COL11A2: variants seen among roughly 807,000 people sequenced by gnomAD.
COL11A2 encodes the protein collagen alpha-2(XI) chain.
In COL11A2, 116 loss-of-function variants were observed where a neutral mutation model predicts 273.4. The ratio of observed to expected loss-of-function variants is 0.42; its 90% CI spans 0.36 to 0.49. The LOEUF is 0.49. Among genes scored for constraint, COL11A2 ranks in the 20% least tolerant of loss-of-function variants. The probability of loss-of-function intolerance (pLI) is 0.00; values close to 1 mark genes in which losing one functional copy is unlikely to be tolerated. For synonymous variants in COL11A2, 782 were observed against 864.2 expected (o/e 0.90, Z 1.67); for missense variants, 1,866 against 2,309.0 (o/e 0.81, Z 3.93).
intron 5 of COL11A2, among the ~76,000 whole-genome samples, chr6:33,186,026 C>CTTAAT: frequency 6.6e-6 from 1 of 152,016 alleles, no homozygotes; most frequent in Admixed American, 6.5e-5. Context: ...GATTGACCCT[C>CTTAAT]TGATCTTTAG....
chr6:33,180,834 G>C, intron 10 of COL11A2, 104 bp from the exon 11 acceptor site: 1 of 1,558,638 alleles, frequency 6.4e-7, no homozygotes, highest in Non-Finnish European at 8.8e-7. Context: ...TGGGAATCTG[G>C]GAAGCGTTGA....
Position 33,167,368 on chromosome 6 carries a change from ACCCCT to A in COL11A2, c.4122+53_4123-52del, listed in dbSNP as rs1291853393. The A allele has an allele frequency of 1.1e-5, 17 of 1,611,090 alleles. No individual in the cohort carries two copies. The highest frequency in any genetic ancestry group is 1.4e-5 in the Non-Finnish European group (17 of 1,179,388). On this transcript the variant is annotated intron_variant, in intron 56 of 65. Coordinates refer to ENST00000341947, the MANE Select transcript of COL11A2 (RefSeq NM_080680.3). The surrounding 1 kb of genome is among the most constrained non-coding windows in gnomAD (Gnocchi z 6.1). The stretch of plus-strand genomic sequence containing the variant: ...GTCAGGAGGAGCATCCCCACACTGC[ACCCCT>A]CCCATGGCCCCTCACTCCCACCCCA...
rs972149830 is a variant in COL11A2, at chr6:33,178,012, A to G, written c.1872+120T>C. 13 of 1,070,292 alleles carry G rather than the reference A, an allele frequency of 1.2e-5. No homozygotes were observed. The highest frequency in any genetic ancestry group is 9.7e-6 in the Non-Finnish European group (7 of 721,016). 66.3% of individuals were successfully genotyped at this position (1,070,292 alleles called of 1,614,324 possible). A position where few individuals can be genotyped will look rare whatever the true frequency, so the allele number is the denominator to read the frequency against. ...GGCAGTGTGGGGCCAGAGCAGGGGG[A>G]GCTCACAGGGAATGGGAAGCATGCC... On this transcript the variant is annotated intron_variant, in intron 21 of 65. Transcript: ENST00000341947. The surrounding 1 kb of genome is among the most constrained non-coding windows in gnomAD (Gnocchi z 4.6).
chr6:33,168,976 G>T lies in COL11A2; in HGVS notation c.3831C>A (p.Pro1277=), dbSNP rs1007732519. The change falls in exon 52 of 66, where the codon CCC becomes CCA. Residue 1277 remains proline (P), a synonymous_variant. Coordinates refer to ENST00000341947, the MANE Select transcript of COL11A2 (RefSeq NM_080680.3). ...TCACCCGAGGGCCACCTTCTCCAGG[G>T]GGGCCAGGGTCACCAGGAAAACCAA... ...GPVGFPGDPG[P]PGEGGPRGQD... The T allele has an allele frequency of 3.7e-6, 6 of 1,609,710 alleles. No individual in the cohort carries two copies. Among genetic ancestry groups the T allele is most frequent in the South Asian group, 1.1e-5 (1 of 90,728 alleles).
Position 33,170,687 on chromosome 6 carries a change from T to C in COL11A2, c.3475-77A>G. ...AGCCCTAGGCAGATAGGCCCCACAG[T>C]CCCCTCCCCTCAGACTCCGCAGGCC... On this transcript the variant is annotated intron_variant, in intron 46 of 65. Coordinates refer to ENST00000341947, the MANE Select transcript of COL11A2 (RefSeq NM_080680.3). The surrounding 1 kb of genome is among the most constrained non-coding windows in gnomAD (Gnocchi z 4.3). 6.3e-7 allele frequency: 1 copy of C among 1,592,408 alleles called. No homozygotes were observed. The highest frequency in any genetic ancestry group is 8.6e-7 in the Non-Finnish European group (1 of 1,162,348).
chr6:33,179,859 TC>T lies in COL11A2; in HGVS notation c.1360-55del. 6.5e-7 allele frequency: 1 copy of T among 1,531,938 alleles called. No homozygotes were observed. 94.9% of individuals were successfully genotyped at this position (1,531,938 alleles called of 1,614,324 possible). ...CTCTTCCAAGAAAGCCATGGGACCCTCCCAGCCAGAGGCTTTCTCCAGCGTT... is the reference window on the plus strand; with the variant it reads ...CTCTTCCAAGAAAGCCATGGGACCCTCCAGCCAGAGGCTTTCTCCAGCGTT... On this transcript the variant is annotated intron_variant, in intron 12 of 65. Coordinates refer to ENST00000341947, the MANE Select transcript of COL11A2 (RefSeq NM_080680.3). The surrounding 1 kb of genome is among the most constrained non-coding windows in gnomAD (Gnocchi z 6.4).
At chr6:33,174,386 G>T in intron 31 of COL11A2, 141 bp downstream of exon 31, 2 of 1,363,816 alleles carry the variant, frequency 1.5e-6, no homozygotes, top group Non-Finnish European at 2.0e-6. Context: ...GGCCTCTTTC[G>T]GTCATCTGTA....
chr6:33,170,705 CG>C lies in COL11A2; in HGVS notation c.3475-96del. On this transcript the variant is annotated intron_variant, in intron 46 of 65. Transcript: ENST00000341947. This position sits in a 1 kb window ranked among gnomAD's most constrained non-coding sequence, Gnocchi z 4.3. ...CCCACAGTCCCCTCCCCTCAGACTC[CG>C]CAGGCCCTCCAGTCTGCATCGGCAG... The C allele has an allele frequency of 6.3e-7, 1 of 1,586,592 alleles. No individual in the cohort carries two copies. Among genetic ancestry groups the C allele is most frequent in the Non-Finnish European group, 8.6e-7 (1 of 1,156,106 alleles).
rs1771149937 is a variant in COL11A2 at position 33,177,918 on chromosome 6, A to G, written c.1873-212T>C. On this transcript the variant is annotated intron_variant, in intron 21 of 65. Transcript: ENST00000341947. This position sits in a 1 kb window ranked among gnomAD's most constrained non-coding sequence, Gnocchi z 5.9. ...TGTTTTTCTTGAAGATTTATTTCCTATGCCCAGAGCCCTCAGGGCACCACG... is the reference window on the plus strand; with the variant it reads ...TGTTTTTCTTGAAGATTTATTTCCTGTGCCCAGAGCCCTCAGGGCACCACG... The G allele has an allele frequency of 3.9e-6, 3 of 762,704 alleles. No homozygotes were observed. In the Admixed American group the frequency reaches 7.2e-5, roughly 18 times the overall value. 47.2% of individuals were successfully genotyped at this position (762,704 alleles called of 1,614,324 possible). A position where few individuals can be genotyped will look rare whatever the true frequency, so the allele number is the denominator to read the frequency against.
rs551411073 is a variant in COL11A2 at position 33,176,286 on chromosome 6, C to G, written c.2187G>C (p.Arg729=). The G allele has an allele frequency of 9.4e-5, 151 of 1,607,306 alleles. 1 individual carries two copies. In the Middle Eastern group the frequency reaches 1.2e-3, roughly 13 times the overall value. ...TCTCACCCTTATGACCCTTCAGACC[C>G]CGAATTCCGTCCACACCCTAGAATT... ...PRGVKGVDGI[R]GLKGHKGEKG... Residue 729 remains arginine (R), a synonymous_variant, in exon 28 of 66, where the codon CGG becomes CGC. Coordinates refer to ENST00000341947, the MANE Select transcript of COL11A2 (RefSeq NM_080680.3). The surrounding 1 kb of genome is among the most constrained non-coding windows in gnomAD (Gnocchi z 4.9).
chr6:33,180,896 A>T, intron 10 of COL11A2, 68 bp downstream of exon 10: 1 of 1,593,596 alleles, frequency 6.3e-7, no homozygotes, highest in Admixed American at 1.7e-5. Context: ...TATGTGGGGA[A>T]GGCTCAGATG....
Position 33,173,485 on chromosome 6 carries a change from GC to G in COL11A2, c.2682+16del. ...ACTCAGAGAAGCGAGGTGGGTCAGA[GC>G]TCGGGGTCAACTTACCGGGGGTCCT... is the stretch of plus-strand genomic sequence containing the variant. On this transcript the variant is annotated intron_variant, in intron 36 of 65. Coordinates refer to ENST00000341947, the MANE Select transcript of COL11A2 (RefSeq NM_080680.3). The surrounding 1 kb of genome is among the most constrained non-coding windows in gnomAD (Gnocchi z 6.3). The G allele has an allele frequency of 6.2e-7, 1 of 1,612,364 alleles. No individual in the cohort carries two copies. Among genetic ancestry groups the G allele is most frequent in the South Asian group, 1.1e-5 (1 of 91,040 alleles).
At chr6:33,188,713 A>C (rs1484932939) in intron 3 of COL11A2, among the ~76,000 whole-genome samples, 189 bp from the exon 4 acceptor site, 4 of 152,218 alleles carry the variant, frequency 2.6e-5, no homozygotes, top group Admixed American at 2.0e-4. Flanking sequence ...TGCCAATTCT[A>C]TTTAATGTCT....
chr6:33,175,824 T>C (rs979995616), intron 29 of COL11A2, 143 bp from the exon 30 acceptor site: 27 of 1,066,280 alleles, frequency 2.5e-5, no homozygotes, highest in Non-Finnish European at 3.6e-5. Context: ...AGGGTAGGGA[T>C]AGTGTAGTGA....
chr6:33,164,746 C>CG lies in COL11A2; in HGVS notation c.4863+105dup, dbSNP rs568299665. The CG allele has an allele frequency of 1.3e-3, 1,170 of 916,684 alleles. 2 individuals carry two copies. Among genetic ancestry groups the CG allele is most frequent in the South Asian group, 3.0e-3 (199 of 66,490 alleles). 56.8% of individuals were successfully genotyped at this position (916,684 alleles called of 1,614,324 possible). A position where few individuals can be genotyped will look rare whatever the true frequency, so the allele number is the denominator to read the frequency against. Reference sequence around the variant, plus strand: ...GAAGTGGAGAAGGGGTGGCAGGCTCCGGGGGGGGCAACAGCCAGGGGACTG... The same window carrying CG: ...GAAGTGGAGAAGGGGTGGCAGGCTCCGGGGGGGGGCAACAGCCAGGGGACTG... On this transcript the variant is annotated intron_variant, in intron 64 of 65. Transcript: ENST00000341947. This position sits in a 1 kb window ranked among gnomAD's most constrained non-coding sequence, Gnocchi z 4.7.
At chr6:33,188,562 T>A in intron 3 of COL11A2, 38 bp from the exon 4 acceptor site, 1 of 1,612,558 alleles carries the variant, frequency 6.2e-7, no homozygotes, top group South Asian at 1.1e-5. Context: ...AACTCTTGGC[T>A]GACTGAAGTA....
chr6:33,162,833 A>T lies in COL11A2; in HGVS notation c.*845T>A, dbSNP rs966196369. ...AGTGAGGGGTGCCCAGGGGAGGGAC[A>T]GGGGTGGCAATGAACATACTCAGTG... On this transcript the variant is annotated 3_prime_UTR_variant, in exon 66 of 66. Coordinates refer to ENST00000341947, the MANE Select transcript of COL11A2 (RefSeq NM_080680.3). This position sits in a 1 kb window ranked among gnomAD's most constrained non-coding sequence, Gnocchi z 4.9. 4.5e-5 allele frequency: 7 copies of T among 154,830 alleles called. No individual in the cohort carries two copies. The highest frequency in any genetic ancestry group is 1.0e-4 in the Non-Finnish European group (7 of 68,242). 9.6% of individuals were successfully genotyped at this position (154,830 alleles called of 1,614,324 possible). A position where few individuals can be genotyped will look rare whatever the true frequency, so the allele number is the denominator to read the frequency against.
In COL11A2 at chr6:33,173,184, G is replaced by A. The variant is rs1770375881; in HGVS notation, c.2737-71C>T. 1.3e-6 allele frequency: 2 copies of A among 1,563,026 alleles called. No individual in the cohort carries two copies. The highest frequency in any genetic ancestry group is 2.3e-5 in the East Asian group (1 of 43,132). On this transcript the variant is annotated intron_variant, in intron 37 of 65. Transcript: ENST00000341947. The surrounding 1 kb of genome is among the most constrained non-coding windows in gnomAD (Gnocchi z 6.3). ...CTGTGGGGCAGATTCCCAGGAGGAA[G>A]GATCCCAGGCAGGATCACACCAAGC...
chr6:33,178,517 G>A lies in COL11A2; in HGVS notation c.1720-29C>T. 2.5e-6 allele frequency: 4 copies of A among 1,612,790 alleles called. No individual in the cohort carries two copies. Among genetic ancestry groups the A allele is most frequent in the Non-Finnish European group, 3.4e-6 (4 of 1,179,876 alleles). ...CAAAATGGGGGAACTCATAAGAGGG[G>A]CTTCAGAGCCCCCAACACAGGCAGA... is the stretch of plus-strand genomic sequence containing the variant. On this transcript the variant is annotated intron_variant, in intron 18 of 65. Coordinates refer to ENST00000341947, the MANE Select transcript of COL11A2 (RefSeq NM_080680.3). This position sits in a 1 kb window ranked among gnomAD's most constrained non-coding sequence, Gnocchi z 4.6.
Sources: gnomAD v4.1 joint callset for allele counts (sites outside exome capture counted in the v4.1 genomes callset) on GRCh38, gnomAD v4.1.1 for gene constraint, Gnocchi (gnomAD v3.1) non-coding constraint, MANE v1.5 for transcripts, NCBI Gene and HGNC (gene_info 2026-07-23, HGNC 2026-07-21) for gene names.